The following ATXN1 variants were observed in gnomAD, a reference collection of about 807,000 sequenced individuals.
ATXN1 encodes ataxin-1.
In ATXN1, 8 loss-of-function variants were observed where a neutral mutation model predicts 56.4. That is an observed-to-expected ratio of 0.14 (90% confidence interval 0.08 to 0.26). The LOEUF (loss-of-function observed/expected upper bound fraction) is 0.26, where lower values mean the gene tolerates loss of function less well. ATXN1 is among the 10% of genes least tolerant of loss of function. The pLI is 1.00. For missense variants in ATXN1, 987 were observed against 1,106.5 expected (o/e 0.89, Z 1.53); for synonymous variants, 514 against 494.6 (o/e 1.04, Z -0.52).
chr6:16,694,469 G>A (rs1048876790), intron 2 of ATXN1, among the ~76,000 whole-genome samples: 3 of 151,996 alleles, frequency 2.0e-5, no homozygotes, highest in Admixed American at 6.5e-5. Context: ...GCCCAGGCTC[G>A]TCACAATTGT....
chr6:16,725,154 G>C (rs1759821838), intron 2 of ATXN1, among the ~76,000 whole-genome samples: 1 of 152,196 alleles, frequency 6.6e-6, no homozygotes, highest in Admixed American at 6.5e-5. Context: ...TAAAATGAAA[G>C]TATGTTAACT....
chr6:16,498,543 T>C (rs1177681216), intron 5 of ATXN1, among the ~76,000 whole-genome samples: 4 of 152,224 alleles, frequency 2.6e-5, no homozygotes, highest in African/African-American at 9.6e-5. Context: ...ATTCTGTATT[T>C]AGCTATTTGA....
intron 3 of ATXN1, among the ~76,000 whole-genome samples, chr6:16,635,178 G>A (rs1763573504): frequency 6.6e-6 from 1 of 152,112 alleles, no homozygotes. Flanking sequence ...GATGTAGGTT[G>A]CACCCTCTTT....
chr6:16,558,156 G>A (rs1762047200), intron 4 of ATXN1, among the ~76,000 whole-genome samples: 1 of 151,952 alleles, frequency 6.6e-6, no homozygotes, highest in African/African-American at 2.4e-5. Flanking sequence ...CTGCATTGTG[G>A]CTGGGCACAG....
chr6:16,760,674 A>C lies in ATXN1; in HGVS notation c.-730+624T>G. Among the ~76,000 whole-genome samples the C allele has an allele frequency of 6.7e-6, 1 of 149,774 alleles. No homozygotes were observed. The highest frequency in any genetic ancestry group is 2.1e-4 in the South Asian group (1 of 4,754). On this transcript the variant is annotated intron_variant, in intron 1 of 7. Transcript: ENST00000436367. This position sits in a 1 kb window ranked among gnomAD's most constrained non-coding sequence, Gnocchi z 5.3. Reference sequence around the variant, plus strand: ...GGCGAGGCCGGCCCTCCGAGGGGAGACCCCCGCCCCAGGGCGCCGAGGCCG... The same window carrying C: ...GGCGAGGCCGGCCCTCCGAGGGGAGCCCCCCGCCCCAGGGCGCCGAGGCCG...
chr6:16,750,666 CA>C (rs1406195905), intron 2 of ATXN1, among the ~76,000 whole-genome samples: 1 of 152,188 alleles, frequency 6.6e-6, no homozygotes, highest in Non-Finnish European at 1.5e-5. Flanking sequence ...ACTTGCCTAA[CA>C]TATTATAAAA....
At chr6:16,497,421 G>T (rs1005745361) in intron 5 of ATXN1, among the ~76,000 whole-genome samples, 1 of 152,106 alleles carries the variant, frequency 6.6e-6, no homozygotes, top group African/African-American at 2.4e-5. Flanking sequence ...CTTTTAGACC[G>T]TTCTGTGGGC....
At chr6:16,511,315 C>G (rs778562686) in intron 5 of ATXN1, among the ~76,000 whole-genome samples, 12 of 152,202 alleles carry the variant, frequency 7.9e-5, no homozygotes, top group South Asian at 2.1e-4. Context: ...AGGATTCAAA[C>G]AGCAGACACC....
intron 4 of ATXN1, among the ~76,000 whole-genome samples, chr6:16,561,054 G>A (rs1265632859): frequency 1.3e-5 from 2 of 152,022 alleles, no homozygotes; most frequent in Non-Finnish European, 2.9e-5. Context: ...AGAAACTATT[G>A]AAAAATAAAA....
At chr6:16,627,964 G>A (rs1216402223) in intron 3 of ATXN1, among the ~76,000 whole-genome samples, 4 of 152,166 alleles carry the variant, frequency 2.6e-5, no homozygotes, top group African/African-American at 7.2e-5. Flanking sequence ...TCTGATCAAA[G>A]ATGTTAATGA....
intron 2 of ATXN1, among the ~76,000 whole-genome samples, chr6:16,689,809 T>C (rs1403892183): frequency 6.6e-6 from 1 of 152,186 alleles, no homozygotes; most frequent in African/African-American, 2.4e-5. Context: ...TAATACCTTA[T>C]TATGAGGGCT....
intron 6 of ATXN1, among the ~76,000 whole-genome samples, chr6:16,413,351 T>G (rs1394662861): frequency 6.6e-6 from 1 of 152,138 alleles, no homozygotes; most frequent in Non-Finnish European, 1.5e-5. Flanking sequence ...TTTTGTTTTT[T>G]TTTTAAGGTA....
chr6:16,445,821 A>G lies in ATXN1; in HGVS notation c.-161+40151T>C, dbSNP rs1429483967. Among the ~76,000 whole-genome samples the G allele has an allele frequency of 3.3e-5, 5 of 149,982 alleles. No individual in the cohort carries two copies. The East Asian group carries it at 5.9e-4, about 18-fold the overall frequency. ...AGTTTACTGAGAATGATGATTTCCAATTTCATCCATGTCCCTACAAAGGAC... is the reference window on the plus strand; with the variant it reads ...AGTTTACTGAGAATGATGATTTCCAGTTTCATCCATGTCCCTACAAAGGAC... On this transcript the variant is annotated intron_variant, in intron 6 of 7. Transcript: ENST00000436367.
chr6:16,425,571 T>C (rs1759135937), intron 6 of ATXN1, among the ~76,000 whole-genome samples: 1 of 152,246 alleles, frequency 6.6e-6, no homozygotes, highest in African/African-American at 2.4e-5. Flanking sequence ...GACGCATTTA[T>C]AAAACAATTC....
At chr6:16,655,878 T>C (rs909906140) in intron 3 of ATXN1, among the ~76,000 whole-genome samples, 22 of 151,288 alleles carry the variant, frequency 1.5e-4, no homozygotes, top group African/African-American at 5.3e-4. Flanking sequence ...TCACCTGAGG[T>C]GAGGAGATCG....
intron 3 of ATXN1, among the ~76,000 whole-genome samples, chr6:16,646,416 G>C (rs2113825959): frequency 6.6e-6 from 1 of 152,314 alleles, no homozygotes; most frequent in South Asian, 2.1e-4. Context: ...GTTGTAATCA[G>C]AGCTAATTTA....
chr6:16,517,309 A>C (rs963444600), intron 5 of ATXN1, among the ~76,000 whole-genome samples: 3 of 152,330 alleles, frequency 2.0e-5, no homozygotes, highest in South Asian at 4.1e-4. Flanking sequence ...TAGCAGAGAA[A>C]AAAAGCTATG....
chr6:16,458,061 A>C (rs1198236577), intron 6 of ATXN1, among the ~76,000 whole-genome samples: 3 of 152,336 alleles, frequency 2.0e-5, no homozygotes, highest in South Asian at 2.1e-4. Context: ...CTATTGTTAG[A>C]TCAAACCCTG....
At chr6:16,346,212 T>C (rs1048040386) in intron 6 of ATXN1, among the ~76,000 whole-genome samples, 2 of 152,148 alleles carry the variant, frequency 1.3e-5, no homozygotes, top group African/African-American at 2.4e-5. Context: ...CCTGCCACCA[T>C]GCCTGGCTAG....
Sources: gnomAD v4.1 joint callset for allele counts (sites outside exome capture counted in the v4.1 genomes callset) on GRCh38, gnomAD v4.1.1 for gene constraint, Gnocchi (gnomAD v3.1) non-coding constraint, MANE v1.5 for transcripts, NCBI Gene and HGNC (gene_info 2026-07-23, HGNC 2026-07-21) for gene names.